Variants in ZBTB7C observed in about 807,000 individuals in gnomAD.
ZBTB7C encodes the protein zinc finger and BTB domain containing 7C.
A neutral mutation model predicts 25.7 loss-of-function variants in ZBTB7C; 8 were observed. The observed-to-expected ratio is 0.31, with a 90% CI of 0.18 to 0.56. The LOEUF (loss-of-function observed/expected upper bound fraction) is 0.56, where lower values mean the gene tolerates loss of function less well. ZBTB7C is among the 20% of genes least tolerant of loss of function. The probability of loss-of-function intolerance (pLI) is 0.91; values close to 1 mark genes in which losing one functional copy is unlikely to be tolerated. For synonymous variants in ZBTB7C, 394 were observed against 369.0 expected (o/e 1.07, Z -0.78); for missense variants, 824 against 855.2 (o/e 0.96, Z 0.46).
chr18:48,245,088 G>A (rs1301429585), intron 2 of ZBTB7C, among the ~76,000 whole-genome samples: 1 of 43,632 alleles, frequency 2.3e-5, no homozygotes, highest in African/African-American at 7.4e-5. Flanking sequence ...TAGTGTGTGT[G>A]TGTGTATATA....
intron 3 of ZBTB7C, among the ~76,000 whole-genome samples, chr18:48,159,656 T>C (rs1403375574): frequency 6.6e-6 from 1 of 152,258 alleles, no homozygotes; most frequent in Non-Finnish European, 1.5e-5. Context: ...TGCAAAATAT[T>C]ATTTTAATCA....
chr18:48,346,960 T>C (rs1441798490), intron 1 of ZBTB7C, among the ~76,000 whole-genome samples: 2 of 151,566 alleles, frequency 1.3e-5, no homozygotes, highest in Admixed American at 1.3e-4. Context: ...AATTTTTGTA[T>C]TTTTAGTAGA....
intron 2 of ZBTB7C, among the ~76,000 whole-genome samples, chr18:48,195,093 C>T (rs2042287558): frequency 6.6e-6 from 1 of 152,238 alleles, no homozygotes; most frequent in Admixed American, 6.5e-5. Context: ...ATGGTAGGGG[C>T]CCTCTTAGCT....
intron 2 of ZBTB7C, among the ~76,000 whole-genome samples, chr18:48,248,514 A>T (rs114388088): frequency 6.6e-6 from 1 of 152,102 alleles, no homozygotes; most frequent in Admixed American, 6.5e-5. Context: ...TGTCCTGAAC[A>T]CTAAATCTTT....
intron 3 of ZBTB7C, among the ~76,000 whole-genome samples, chr18:48,167,605 T>TGTGTGTGTGTGTGTGC (rs199586468): frequency 6.7e-6 from 1 of 149,632 alleles, no homozygotes; most frequent in African/African-American, 2.5e-5. Context: ...TGTGCGCGCG[T>TGTGTGTGTGTGTGTGC]GCACACGCGC....
intron 3 of ZBTB7C, among the ~76,000 whole-genome samples, chr18:48,085,087 C>T (rs2038143814): frequency 6.6e-6 from 1 of 152,078 alleles, no homozygotes; most frequent in African/African-American, 2.4e-5. Flanking sequence ...TGAGTTCATC[C>T]AGATCAACTC....
chr18:48,038,681 A>G (rs935676729), intron 4 of ZBTB7C, among the ~76,000 whole-genome samples: 15 of 152,022 alleles, frequency 9.9e-5, no homozygotes, highest in Non-Finnish European at 2.2e-4. Flanking sequence ...GCTGCCACCA[A>G]TTCCCAAAGA....
intron 3 of ZBTB7C, among the ~76,000 whole-genome samples, chr18:48,108,059 T>G (rs544892622): frequency 6.6e-6 from 1 of 152,264 alleles, no homozygotes; most frequent in Non-Finnish European, 1.5e-5. Flanking sequence ...AGTCATTCCT[T>G]CACATGGCGT....
chr18:48,092,052 T>C (rs2038436972), intron 3 of ZBTB7C, among the ~76,000 whole-genome samples: 1 of 152,160 alleles, frequency 6.6e-6, no homozygotes, highest in African/African-American at 2.4e-5. Context: ...ATGTCAATCA[T>C]AGAATCATTA....
chr18:48,181,053 T>G (rs1175332568), intron 3 of ZBTB7C, among the ~76,000 whole-genome samples: 2 of 152,192 alleles, frequency 1.3e-5, no homozygotes, highest in Admixed American at 6.5e-5. Flanking sequence ...ATAGGATTGT[T>G]GTGAGGATTA....
chr18:48,334,339 T>C (rs1474275966), intron 2 of ZBTB7C, among the ~76,000 whole-genome samples: 3 of 152,082 alleles, frequency 2.0e-5, no homozygotes, highest in East Asian at 1.9e-4. Flanking sequence ...CCCCGGGGGA[T>C]AGAGCACCTA....
intron 3 of ZBTB7C, among the ~76,000 whole-genome samples, chr18:48,046,880 A>G (rs1183005541): frequency 6.6e-6 from 1 of 152,196 alleles, no homozygotes; most frequent in African/African-American, 2.4e-5. Context: ...GACCATGAGG[A>G]GCCAGAAGCG....
chr18:48,318,029 G>A (rs931748094), intron 2 of ZBTB7C, among the ~76,000 whole-genome samples: 7 of 151,928 alleles, frequency 4.6e-5, no homozygotes, highest in African/African-American at 1.7e-4. Context: ...ATGCGCACTA[G>A]CTATAGCCCA....
chr18:48,322,567 T>C (rs993181727), intron 2 of ZBTB7C, among the ~76,000 whole-genome samples: 1 of 152,138 alleles, frequency 6.6e-6, no homozygotes, highest in African/African-American at 2.4e-5. Flanking sequence ...GTGGATGCGA[T>C]AAAAAGGGAA....
At chr18:48,411,680 G>T (rs1385299460), upstream of ZBTB7C, among the ~76,000 whole-genome samples, 3 of 152,224 alleles carry the variant, frequency 2.0e-5, no homozygotes, top group Admixed American at 6.5e-5. Flanking sequence ...AGTTCTGGGG[G>T]TGAGGGCAGC....
At chr18:48,077,164 G>T (rs1226595194) in intron 3 of ZBTB7C, among the ~76,000 whole-genome samples, 3 of 152,074 alleles carry the variant, frequency 2.0e-5, no homozygotes, top group Non-Finnish European at 4.4e-5. Context: ...CAGGGGTGGG[G>T]TGGAGGAAAT....
At chr18:48,360,325 T>A (rs79290493) in intron 1 of ZBTB7C, among the ~76,000 whole-genome samples, 5,430 of 152,058 alleles carry the variant, frequency 0.036, 337 homozygotes, top group African/African-American at 0.13. Context: ...TCCTGCAGAG[T>A]CAACAGTTGA....
At chr18:48,274,486 G>C (rs1010907134) in intron 2 of ZBTB7C, among the ~76,000 whole-genome samples, 2 of 152,086 alleles carry the variant, frequency 1.3e-5, no homozygotes, top group African/African-American at 4.8e-5. Context: ...GACTCAGCAG[G>C]TGTCTCAAAC....
At chr18:48,367,230 C>CACACACAT (rs2047254128) in intron 1 of ZBTB7C, among the ~76,000 whole-genome samples, 1 of 83,400 alleles carries the variant, frequency 1.2e-5, no homozygotes, top group Admixed American at 1.4e-4. Flanking sequence ...CACACACACA[C>CACACACAT]ACATACATAC....
Sources: gnomAD v4.1 joint callset for allele counts (sites outside exome capture counted in the v4.1 genomes callset) on GRCh38, gnomAD v4.1.1 for gene constraint, MANE v1.5 for transcripts, NCBI Gene and HGNC (gene_info 2026-07-23, HGNC 2026-07-21) for gene names.